The following CD2AP variants were observed in gnomAD, a reference collection of about 807,000 sequenced individuals.
CD2AP encodes the protein CD2-associated protein.
Under a neutral mutation model 85.1 loss-of-function variants are expected in CD2AP, and 46 were observed. The ratio of observed to expected loss-of-function variants is 0.54; its 90% confidence interval spans 0.43 to 0.69. The LOEUF is 0.69. Ranked by LOEUF, CD2AP falls within the 30% of genes least tolerant of loss-of-function variation. The pLI is 0.00. For synonymous variants in CD2AP, 255 were observed against 252.9 expected (o/e 1.01, Z -0.08); for missense variants, 769 against 729.5 (o/e 1.05, Z -0.62).
At chr6:47,562,771 G>A (rs1767895853) in intron 5 of CD2AP, 16 of 1,047,482 alleles carry the variant, frequency 1.5e-5, no homozygotes, top group Non-Finnish European at 2.1e-5. Flanking sequence ...TCATGTTTGT[G>A]TGCTTGCATC....
rs368666602 is a variant in CD2AP at position 47,540,274 on chromosome 6, C to CT, written c.320-4326dup. On this transcript the variant is annotated intron_variant, in intron 3 of 17. Transcript: ENST00000359314. ...GTATCCTTTTATTGACACCTCTCTT[C>CT]TTTTTTGTGCTTAGCATGGGTTCTG... Among the ~76,000 whole-genome samples, 539 of 149,322 alleles carry CT rather than the reference C, an allele frequency of 3.6e-3. 2 individuals carry two copies. Among genetic ancestry groups the CT allele is most frequent in the African/African-American group, 0.013 (510 of 40,796 alleles).
intron 5 of CD2AP, among the ~76,000 whole-genome samples, chr6:47,571,555 G>A (rs562375736): frequency 6.6e-6 from 1 of 152,260 alleles, no homozygotes; most frequent in African/African-American, 2.4e-5. Flanking sequence ...TTGTGTTGCT[G>A]AACACCTGAA....
chr6:47,605,809 G>C (rs1166463950), intron 13 of CD2AP, among the ~76,000 whole-genome samples: 5 of 151,958 alleles, frequency 3.3e-5, no homozygotes, highest in Admixed American at 3.3e-4. Flanking sequence ...AGTTTAAGAA[G>C]TAGATCTTTG....
chr6:47,518,343 A>T (rs1406581809), intron 2 of CD2AP, among the ~76,000 whole-genome samples: 2 of 152,230 alleles, frequency 1.3e-5, no homozygotes, highest in Non-Finnish European at 2.9e-5. Context: ...TAGAACATTC[A>T]TTATCTGCAA....
At chr6:47,591,701 G>A (rs1432197981) in intron 11 of CD2AP, among the ~76,000 whole-genome samples, 1 of 151,956 alleles carries the variant, frequency 6.6e-6, no homozygotes, top group African/African-American at 2.4e-5. Context: ...GTACAGTGTT[G>A]GTAATGTATT....
chr6:47,616,863 C>G (rs1395333258), intron 17 of CD2AP, among the ~76,000 whole-genome samples: 3 of 152,160 alleles, frequency 2.0e-5, no homozygotes, highest in East Asian at 3.8e-4. Context: ...TGCAACAGAT[C>G]ACATTTTTTA....
At chr6:47,613,075 C>T (rs891565194) in intron 17 of CD2AP, among the ~76,000 whole-genome samples, 2 of 152,164 alleles carry the variant, frequency 1.3e-5, no homozygotes, top group Admixed American at 6.5e-5. Context: ...TGTTCAAGTT[C>T]GATCCACTTT....
At chr6:47,494,610 T>C (rs959053531) in intron 1 of CD2AP, among the ~76,000 whole-genome samples, 4 of 152,156 alleles carry the variant, frequency 2.6e-5, no homozygotes, top group Non-Finnish European at 5.9e-5. Context: ...TTTTCCTCCT[T>C]GCCAGAACTA....
intron 16 of CD2AP, among the ~76,000 whole-genome samples, chr6:47,611,468 G>A (rs1042907058): frequency 6.6e-6 from 1 of 151,614 alleles, no homozygotes; most frequent in Non-Finnish European, 1.5e-5. Flanking sequence ...GGAGTTCAGA[G>A]GTTTTCGCTT....
chr6:47,612,329 T>C (rs1769468466), intron 16 of CD2AP, 144 bp from the exon 17 acceptor site: 1 of 629,774 alleles, frequency 1.6e-6, no homozygotes. Context: ...TAGAGAATCT[T>C]ACATTTTTCT....
chr6:47,604,058 C>G (rs544850610), intron 13 of CD2AP, among the ~76,000 whole-genome samples: 18 of 152,018 alleles, frequency 1.2e-4, no homozygotes, highest in African/African-American at 3.9e-4. Context: ...AATTGGCAAC[C>G]ATAAAAATCA....
At chr6:47,614,143 G>A (rs1225946237) in intron 17 of CD2AP, among the ~76,000 whole-genome samples, 1 of 152,158 alleles carries the variant, frequency 6.6e-6, no homozygotes, top group Admixed American at 6.6e-5. Flanking sequence ...AGGCTGTTAA[G>A]TTTTCTTATT....
chr6:47,497,321 C>CTTTCCTTTCT (rs60950783), intron 1 of CD2AP, among the ~76,000 whole-genome samples: 7 of 141,450 alleles, frequency 4.9e-5, no homozygotes, highest in Non-Finnish European at 7.6e-5. Context: ...CTTTCCTTTC[C>CTTTCCTTTCT]TTTCCTTTCC....
At chr6:47,528,260 C>T (rs1041367452) in intron 2 of CD2AP, among the ~76,000 whole-genome samples, 19 of 152,240 alleles carry the variant, frequency 1.2e-4, no homozygotes, top group East Asian at 7.7e-4. Flanking sequence ...CTGCAACCTC[C>T]GCCTCCTGGG....
intron 2 of CD2AP, among the ~76,000 whole-genome samples, chr6:47,507,537 C>T (rs1283056031): frequency 2.0e-5 from 3 of 152,122 alleles, no homozygotes; most frequent in Non-Finnish European, 4.4e-5. Flanking sequence ...TCAAGCGATT[C>T]TCCTCGCCTC....
In CD2AP at chr6:47,487,000, C is replaced by T. The variant is rs555945271; in HGVS notation, c.4+8752C>T. On this transcript the variant is annotated intron_variant, in intron 1 of 17. Coordinates refer to ENST00000359314, the MANE Select transcript of CD2AP (RefSeq NM_012120.3). Reference sequence around the variant, plus strand: ...ACAACTTTTGGTTTATTTAGAAGTACGTTCTCCTGAGATCCAAGTTTTGCA... The same window carrying T: ...ACAACTTTTGGTTTATTTAGAAGTATGTTCTCCTGAGATCCAAGTTTTGCA... 1.4e-4 allele frequency among the ~76,000 whole-genome samples: 22 copies of T among 152,250 alleles called. No homozygotes were observed. In the South Asian group the frequency reaches 2.7e-3, roughly 19 times the overall value.
intron 11 of CD2AP, among the ~76,000 whole-genome samples, chr6:47,590,741 A>G (rs1408513100): frequency 6.6e-6 from 1 of 152,078 alleles, no homozygotes; most frequent in African/African-American, 2.4e-5. Flanking sequence ...TAATTGGAGG[A>G]CCAGATAGGA....
At chr6:47,603,808 A>T (rs958504197) in intron 13 of CD2AP, among the ~76,000 whole-genome samples, 5 of 152,012 alleles carry the variant, frequency 3.3e-5, no homozygotes, top group African/African-American at 9.7e-5. Flanking sequence ...CGTGTCAGGA[A>T]ATTATTCTAC....
chr6:47,505,183 C>T (rs1766108006), intron 2 of CD2AP, among the ~76,000 whole-genome samples: 1 of 144,112 alleles, frequency 6.9e-6, no homozygotes, highest in Non-Finnish European at 1.5e-5. Context: ...CGGCCTTCCG[C>T]AGTGTTTGTG....
Sources: gnomAD v4.1 joint callset for allele counts (sites outside exome capture counted in the v4.1 genomes callset) on GRCh38, gnomAD v4.1.1 for gene constraint, MANE v1.5 for transcripts, NCBI Gene and HGNC (gene_info 2026-07-23, HGNC 2026-07-21) for gene names.